The following HADHA variants were observed in gnomAD, a reference collection of about 807,000 sequenced individuals.
HADHA encodes the protein trifunctional enzyme subunit alpha, mitochondrial.
A neutral mutation model predicts 91.3 loss-of-function variants in HADHA; 59 were observed. The ratio of observed to expected loss-of-function variants is 0.65; its 90% CI spans 0.52 to 0.80. The LOEUF is 0.80. Among genes scored for constraint, HADHA ranks in the 30% least tolerant of loss-of-function variants. HADHA has a pLI of 0.00. For missense variants in HADHA, 800 were observed against 927.6 expected, an observed-to-expected ratio of 0.86 and a Z score of 1.79; for synonymous variants, 320 against 338.9, an observed-to-expected ratio of 0.94 and a Z score of 0.61.
intron 1 of HADHA, among the ~76,000 whole-genome samples, chr2:26,243,556 TC>T (rs1670975358): frequency 6.6e-6 from 1 of 151,906 alleles, no homozygotes; most frequent in Non-Finnish European, 1.5e-5. Flanking sequence ...ATTAAAAAAA[TC>T]CCCTTACAGT....
chr2:26,226,427 C>T (rs1156915217), intron 7 of HADHA, among the ~76,000 whole-genome samples: 1 of 151,896 alleles, frequency 6.6e-6, no homozygotes, highest in Non-Finnish European at 1.5e-5. Context: ...TTCAGGATTC[C>T]CTATAAAAAT....
intron 4 of HADHA, among the ~76,000 whole-genome samples, chr2:26,236,339 ATG>A (rs752287719): frequency 2.1e-4 from 23 of 109,940 alleles, no homozygotes; most frequent in African/African-American, 5.4e-4. Context: ...AGATCACATG[ATG>A]TGTGTGTGTG....
In HADHA at chr2:26,214,804, A is replaced by C. The variant is rs1310096574; in HGVS notation, c.800-243T>G. Among the ~76,000 whole-genome samples, 1 of 152,174 alleles carries C rather than the reference A, an allele frequency of 6.6e-6. No homozygotes were observed. Among genetic ancestry groups the C allele is most frequent in the Non-Finnish European group, 1.5e-5 (1 of 68,020 alleles). ...ACTGTTATCTAGTCTTTTTGTGTTC[A>C]TGCTTAACATTTTCTAAAATGAAAA... On this transcript the variant is annotated intron_variant, in intron 8 of 19. Coordinates refer to ENST00000380649, the MANE Select transcript of HADHA (RefSeq NM_000182.5). This position sits in a 1 kb window ranked among gnomAD's most constrained non-coding sequence, Gnocchi z 4.1.
At position 26,212,608 on chromosome 2, in the gene HADHA, C is replaced by G. The variant is rs1670129277; in HGVS notation, c.937G>C (p.Glu313Gln). The G allele has an allele frequency of 6.2e-7, 1 of 1,601,908 alleles. No homozygotes were observed. Among genetic ancestry groups the G allele is most frequent in the Admixed American group, 1.7e-5 (1 of 59,990 alleles). The change falls in exon 10 of 20, where the codon GAG becomes CAG. Residue 313 changes from glutamate to glutamine, a missense_variant. Physicochemically the swap from Glu to Gln is conservative, Grantham distance 29 (BLOSUM62 2). Transcript: ENST00000380649. ...KIIDVVKTGI[E>Q]QGSDAGYLCE... is the part of the protein sequence containing the mutation. ...AGATAACCGGCATCACTCCCTTGCT[C>G]AATTCCAGTCTTTACCACCTAAAAA... is the stretch of plus-strand genomic sequence containing the variant.
At chr2:26,234,564 A>G (rs982114056) in intron 4 of HADHA, among the ~76,000 whole-genome samples, 2 of 152,200 alleles carry the variant, frequency 1.3e-5, no homozygotes, top group African/African-American at 4.8e-5. Flanking sequence ...TGGATCCATG[A>G]GACCATCCCG....
chr2:26,195,372 T>G, intron 14 of HADHA, 140 bp from the exon 15 acceptor site: 1 of 789,998 alleles, frequency 1.3e-6, no homozygotes, highest in Non-Finnish European at 2.3e-6. Context: ...AGTGGTTTGG[T>G]TCCATGGGTC....
chr2:26,230,722 C>A (rs1262830738), intron 6 of HADHA, among the ~76,000 whole-genome samples: 1 of 151,970 alleles, frequency 6.6e-6, no homozygotes, highest in Non-Finnish European at 1.5e-5. Context: ...GAGTTTGAGA[C>A]CAGCCTGGCC....
chr2:26,234,085 G>GCAAAAAA lies in HADHA; in HGVS notation c.453+125_453+131dup, dbSNP rs1670689209. The GCAAAAAA allele has an allele frequency of 7.8e-6, 7 of 895,950 alleles. No homozygotes were observed. The South Asian group carries it at 1.0e-4, about 13-fold the overall frequency. The allele number at this position is 895,950 out of a possible 1,614,324, so 55.5% of individuals were successfully genotyped here. On this transcript the variant is annotated intron_variant, in intron 5 of 19. Transcript: ENST00000380649. ...GACAAGAGCAAAATTCCGTCTCAAA[G>GCAAAAAA]CAAAAAACAAAAAACAAAGCGGATT...
Position 26,232,236 on chromosome 2 carries a change from TTTCTGTCTTTTGTTGCTA to T in HADHA, c.479_496del (p.Ile160_Arg165del), listed in dbSNP as rs1670641562. 1.2e-6 allele frequency: 2 copies of T among 1,602,844 alleles called. No individual in the cohort carries two copies. The highest frequency in any genetic ancestry group is 2.7e-5 in the African/African-American group (2 of 74,732). Reference sequence around the variant, plus strand: ...AACTTCAGGGGTACCTAATACTGTTTTTCTGTCTTTTGTTGCTATTCTGTATTGGCATGAAATGGCAAC... The same window carrying T: ...AACTTCAGGGGTACCTAATACTGTTTTTCTGTATTGGCATGAAATGGCAAC... On this transcript the variant is annotated inframe_deletion, in exon 6 of 20. Transcript: ENST00000380649.
chr2:26,193,479 ACTTTCTTC>A, intron 17 of HADHA, 90 bp downstream of exon 17: 1 of 1,024,366 alleles, frequency 9.8e-7, no homozygotes, highest in Non-Finnish European at 1.6e-6. Context: ...TGTTTAGAAA[ACTTTCTTC>A]CACGAGGGCT....
At chr2:26,217,446 C>A (rs1186553320) in intron 7 of HADHA, among the ~76,000 whole-genome samples, 1 of 151,962 alleles carries the variant, frequency 6.6e-6, no homozygotes, top group Non-Finnish European at 1.5e-5. Context: ...AACTATAAGC[C>A]CATATGTCCA....
At chr2:26,231,910 A>C (rs1670632761) in intron 6 of HADHA, among the ~76,000 whole-genome samples, 1 of 150,084 alleles carries the variant, frequency 6.7e-6, no homozygotes. Context: ...AGAAGGTTGC[A>C]GTGAGCTGAG....
At chr2:26,203,373 T>C (rs1231915963) in intron 12 of HADHA, among the ~76,000 whole-genome samples, 1 of 152,134 alleles carries the variant, frequency 6.6e-6, no homozygotes, top group Non-Finnish European at 1.5e-5. Context: ...AAACCAACCC[T>C]CCATTTGGCC....
chr2:26,199,647 C>G (rs1669778037), intron 13 of HADHA, among the ~76,000 whole-genome samples: 1 of 152,196 alleles, frequency 6.6e-6, no homozygotes, highest in East Asian at 1.9e-4. Flanking sequence ...CACAATGCAG[C>G]AGAAGTTACC....
intron 13 of HADHA, chr2:26,199,467 G>A (rs1188131466): frequency 1.3e-5 from 2 of 152,370 alleles, no homozygotes; most frequent in African/African-American, 2.4e-5. Context: ...GTAATATAGT[G>A]TCTAATGCTG....
At chr2:26,237,121 A>G (rs1670782461) in intron 3 of HADHA, 133 bp from the exon 4 acceptor site, 3 of 765,938 alleles carry the variant, frequency 3.9e-6, no homozygotes. Context: ...GAGAGTAAGA[A>G]ATATCATTCT....
chr2:26,208,766 G>T (rs771781021), intron 11 of HADHA, among the ~76,000 whole-genome samples: 1 of 152,176 alleles, frequency 6.6e-6, no homozygotes, highest in African/African-American at 2.4e-5. Context: ...TACTATCAAG[G>T]TTAGGTGGAA....
intron 11 of HADHA, among the ~76,000 whole-genome samples, chr2:26,207,308 T>C (rs1238590186): frequency 6.6e-6 from 1 of 151,480 alleles, no homozygotes; most frequent in East Asian, 1.9e-4. Flanking sequence ...AAAGAATGCA[T>C]TATTTAGTAG....
chr2:26,213,135 T>A (rs1670142075), intron 9 of HADHA, among the ~76,000 whole-genome samples: 1 of 152,246 alleles, frequency 6.6e-6, no homozygotes, highest in African/African-American at 2.4e-5. Context: ...TTGACATCTC[T>A]AACTCTGACT....
Sources: allele counts gnomAD v4.1 joint callset (sites outside exome capture counted in the v4.1 genomes callset), GRCh38; gene constraint gnomAD v4.1.1; non-coding constraint Gnocchi (gnomAD v3.1); transcripts MANE v1.5; gene names NCBI Gene and HGNC (gene_info 2026-07-23, HGNC 2026-07-21).